KHK: variants seen among roughly 807,000 people sequenced by gnomAD.
The protein encoded by KHK is fructokinase.
In KHK, 37 loss-of-function variants were observed where a neutral mutation model predicts 36.0. The observed-to-expected ratio is 1.03, with a 90% CI of 0.79 to 1.35. The LOEUF is 1.35. Ranked by LOEUF, KHK falls within the 40% of genes most tolerant of loss-of-function variation. The probability of loss-of-function intolerance (pLI) is 0.00; values close to 1 mark genes in which losing one functional copy is unlikely to be tolerated. For missense variants in KHK, 395 were observed against 391.9 expected (o/e 1.01, Z -0.07); for synonymous variants, 161 against 162.8 (o/e 0.99, Z 0.08).
At chr2:27,087,890 G>C (rs1669756517) in intron 1 of KHK, 1 of 152,412 alleles carries the variant, frequency 6.6e-6, no homozygotes, top group Non-Finnish European at 1.5e-5. Flanking sequence ...CTATAGCTCA[G>C]GGCTTGCTGG....
rs1480339385 is a variant in KHK, at chr2:27,099,432, CTG to C, written c.669_670del (p.Ala224LeufsTer3). Reference sequence around the variant, plus strand: ...AGCCGTCTTGCAGGGCTGTGCTTGTCTGTGCCTGGGCTGAGGAGGGCGCCGAC... The same window carrying C: ...AGCCGTCTTGCAGGGCTGTGCTTGTCTGCCTGGGCTGAGGAGGGCGCCGAC... ...GRVRKGAVLV[C>X]AWAEEGADAL... On this transcript the variant is annotated frameshift_variant, in exon 7 of 8. Coordinates refer to ENST00000260598, the MANE Select transcript of KHK (RefSeq NM_006488.3). LOFTEE classifies it high-confidence loss of function. 1.2e-6 allele frequency: 2 copies of C among 1,613,918 alleles called. No individual in the cohort carries two copies. The highest frequency in any genetic ancestry group is 1.1e-5 in the South Asian group (1 of 91,086).
rs1670727875 is a variant in KHK, at chr2:27,100,210, G to A, written c.*460G>A. ...CCAAAGAAACCGTGAGAGCTCTTCGGGGCCCTGCGTTGTGCAGACTCTATT... is the reference window on the plus strand; with the variant it reads ...CCAAAGAAACCGTGAGAGCTCTTCGAGGCCCTGCGTTGTGCAGACTCTATT... On this transcript the variant is annotated 3_prime_UTR_variant, in exon 8 of 8. Transcript: ENST00000260598. 1 of 412,386 alleles carries A rather than the reference G, an allele frequency of 2.4e-6. No homozygotes were observed. The highest frequency in any genetic ancestry group is 4.6e-6 in the Non-Finnish European group (1 of 219,656). The allele number at this position is 412,386 out of a possible 1,614,324, so 25.5% of individuals were successfully genotyped here. A position where few individuals can be genotyped will look rare whatever the true frequency, so the allele number is the denominator to read the frequency against.
At position 27,086,885 on chromosome 2, in the gene KHK, C is replaced by G. The variant is rs937714328; in HGVS notation, c.-375C>G. 5.4e-6 allele frequency: 1 copy of G among 184,064 alleles called. No homozygotes were observed. Among genetic ancestry groups the G allele is most frequent in the African/African-American group, 2.3e-5 (1 of 42,626 alleles). The allele number at this position is 184,064 out of a possible 1,614,324, so 11.4% of individuals were successfully genotyped here. A position where few individuals can be genotyped will look rare whatever the true frequency, so the allele number is the denominator to read the frequency against. On this transcript the variant is annotated 5_prime_UTR_variant, in exon 1 of 8. Transcript: ENST00000260598. ...GTAGCGCATTTTCTCTTTGCATTCT[C>G]GAGATCGCTTAGCCGCGCTTTAAAA...
At position 27,100,111 on chromosome 2, in the gene KHK, G is replaced by A. The variant is rs756562153; in HGVS notation, c.*361G>A. On this transcript the variant is annotated 3_prime_UTR_variant, in exon 8 of 8. Coordinates refer to ENST00000260598, the MANE Select transcript of KHK (RefSeq NM_006488.3). ...GGGGCTGCCTGGGCTAGAGCAGCGAGAAGTGCCCTGGGCTTGCCACCAGCT... is the reference window on the plus strand; with the variant it reads ...GGGGCTGCCTGGGCTAGAGCAGCGAAAAGTGCCCTGGGCTTGCCACCAGCT... The A allele has an allele frequency of 1.4e-5, 8 of 565,454 alleles. No individual in the cohort carries two copies. The highest frequency in any genetic ancestry group is 3.8e-5 in the African/African-American group (2 of 53,018). 35.0% of individuals were successfully genotyped at this position (565,454 alleles called of 1,614,324 possible). A position where few individuals can be genotyped will look rare whatever the true frequency, so the allele number is the denominator to read the frequency against.
In KHK at chr2:27,094,871, C is replaced by G; in HGVS notation, c.281C>G (p.Thr94Ser). ...GTGGCCTGGCAGAGCAAGGGGGACA[C>G]CCCCAGCTCCTGCTGCATCATCAAC... ...SQVAWQSKGD[T>S]PSSCCIINNS... is the part of the protein sequence containing the mutation. The change falls in exon 3 of 8, where the codon ACC becomes AGC. Residue 94 changes from threonine (T) to serine (S), a missense_variant. Thr to Ser is a moderately conservative substitution (Grantham distance 58). Coordinates refer to ENST00000260598, the MANE Select transcript of KHK (RefSeq NM_006488.3). 6.2e-7 allele frequency: 1 copy of G among 1,614,012 alleles called. No individual in the cohort carries two copies. Among genetic ancestry groups the G allele is most frequent in the Non-Finnish European group, 8.5e-7 (1 of 1,180,024 alleles).
chr2:27,099,100 G>A, intron 5 of KHK, 96 bp from the exon 6 acceptor site: 1 of 1,036,576 alleles, frequency 9.6e-7, no homozygotes. Flanking sequence ...ATGTGGACAT[G>A]TTGGGGGAGT....
chr2:27,098,883 T>C (rs1169426455), intron 5 of KHK: 3 of 355,420 alleles, frequency 8.4e-6, no homozygotes, highest in Non-Finnish European at 1.6e-5. Flanking sequence ...GGCTGTATTC[T>C]ATTATATATA....
At chr2:27,091,349 A>G (rs1204625203) in intron 1 of KHK, among the ~76,000 whole-genome samples, 1 of 152,008 alleles carries the variant, frequency 6.6e-6, no homozygotes, top group Non-Finnish European at 1.5e-5. Flanking sequence ...TTGGCCTCCC[A>G]AAGTGCTGGG....
At chr2:27,097,967 CCA>C (rs1044227978) in intron 5 of KHK, among the ~76,000 whole-genome samples, 1 of 152,106 alleles carries the variant, frequency 6.6e-6, no homozygotes, top group African/African-American at 2.4e-5. Context: ...CTGGGGCTCC[CCA>C]GTCTTTTCCT....
chr2:27,100,092 GCCTGGGCTAGAGCAGCGAGAAGTGC>G lies in KHK; in HGVS notation c.*351_*375del. 1.7e-6 allele frequency: 1 copy of G among 590,904 alleles called. No homozygotes were observed. Among genetic ancestry groups the G allele is most frequent in the Non-Finnish European group, 3.0e-6 (1 of 333,504 alleles). The allele number at this position is 590,904 out of a possible 1,614,324, so 36.6% of individuals were successfully genotyped here. A position where few individuals can be genotyped will look rare whatever the true frequency, so the allele number is the denominator to read the frequency against. On this transcript the variant is annotated 3_prime_UTR_variant, in exon 8 of 8. Transcript: ENST00000260598. ...TCCGCCCAGGCCCAGAGGAGGGGCTGCCTGGGCTAGAGCAGCGAGAAGTGCCCTGGGCTTGCCACCAGCTCTGCCC... is the reference window on the plus strand; with the variant it reads ...TCCGCCCAGGCCCAGAGGAGGGGCTGCCTGGGCTTGCCACCAGCTCTGCCC...
At chr2:27,089,666 C>T (rs570065529) in intron 1 of KHK, among the ~76,000 whole-genome samples, 101 of 152,330 alleles carry the variant, frequency 6.6e-4, no homozygotes, top group African/African-American at 2.3e-3. Flanking sequence ...CCCCGCAGCC[C>T]CATGGCCCTG....
chr2:27,094,767 T>C lies in KHK; in HGVS notation c.210-33T>C, dbSNP rs62128660. The stretch of plus-strand genomic sequence containing the variant: ...CTTCCAGGCTCTAATCTGTGTCTCC[T>C]TGCCCTTTTCCTGGCCCGGCCTCCA... On this transcript the variant is annotated intron_variant, in intron 2 of 7. Transcript: ENST00000260598. The C allele has an allele frequency of 2.1e-3, 3,320 of 1,613,988 alleles. 1 individual carries two copies. Among genetic ancestry groups the C allele is most frequent in the Non-Finnish European group, 2.6e-3 (3,123 of 1,180,020 alleles).
intron 3 of KHK, among the ~76,000 whole-genome samples, chr2:27,095,308 C>T (rs1048205457): frequency 2.6e-5 from 4 of 151,216 alleles, no homozygotes; most frequent in African/African-American, 9.9e-5. Flanking sequence ...TTCAACCCTT[C>T]TTAAGAAGGG....
intron 3 of KHK, among the ~76,000 whole-genome samples, chr2:27,096,352 C>G (rs1255505088): frequency 1.3e-5 from 2 of 152,162 alleles, no homozygotes; most frequent in Admixed American, 1.3e-4. Flanking sequence ...GGGTCGCGGG[C>G]TTTATACTTT....
intron 3 of KHK, 21 bp downstream of exon 3, chr2:27,094,955 C>T: frequency 6.2e-7 from 1 of 1,613,340 alleles, no homozygotes; most frequent in Non-Finnish European, 8.5e-7. Flanking sequence ...CGGGCCTCGC[C>T]CTGCTACAAC....
At chr2:27,092,535 G>T in intron 2 of KHK, 87 bp downstream of exon 2, 1 of 983,476 alleles carries the variant, frequency 1.0e-6, no homozygotes, top group Non-Finnish European at 1.6e-6. Flanking sequence ...GGTGGATGGG[G>T]GATTAGAAAT....
chr2:27,091,815 G>A (rs549227287), intron 1 of KHK, among the ~76,000 whole-genome samples: 9 of 152,338 alleles, frequency 5.9e-5, no homozygotes, highest in African/African-American at 1.9e-4. Context: ...CAGGTTTGCT[G>A]TCCTGTCTTA....
intron 2 of KHK, chr2:27,094,326 G>T: frequency 2.2e-6 from 2 of 896,826 alleles, no homozygotes; most frequent in Non-Finnish European, 3.6e-6. Context: ...CTGTTGCACT[G>T]CCTGTGGCAA....
At chr2:27,095,064 C>A in intron 3 of KHK, 130 bp downstream of exon 3, 1 of 1,041,658 alleles carries the variant, frequency 9.6e-7, no homozygotes, top group Non-Finnish European at 1.5e-6. Flanking sequence ...TGCTCCCCTG[C>A]CAAAATGTCC....
Sources: allele counts gnomAD v4.1 joint callset (sites outside exome capture counted in the v4.1 genomes callset), GRCh38; gene constraint gnomAD v4.1.1; transcripts MANE v1.5; gene names NCBI Gene and HGNC (gene_info 2026-07-23, HGNC 2026-07-21).